The following ABHD12B variants were observed in gnomAD, a reference collection of about 807,000 sequenced individuals.
ABHD12B encodes abhydrolase domain containing 12B.
A neutral mutation model predicts 50.4 loss-of-function variants in ABHD12B; 42 were observed. The observed-to-expected ratio is 0.83, with a 90% CI of 0.65 to 1.08. ABHD12B has a LOEUF of 1.08. ABHD12B is among the 50% of genes least tolerant of loss of function. The pLI is 0.00. For missense variants in ABHD12B, 479 were observed against 447.7 expected, an observed-to-expected ratio of 1.07 and a Z score of -0.63; for synonymous variants, 167 against 160.3, an observed-to-expected ratio of 1.04 and a Z score of -0.32.
chr14:50,901,241 A>T (rs2050256885), intron 9 of ABHD12B, among the ~76,000 whole-genome samples: 1 of 152,236 alleles, frequency 6.6e-6, no homozygotes, highest in African/African-American at 2.4e-5. Context: ...GTAAAAGTGG[A>T]TTTAGCTAGC....
At position 50,880,478 on chromosome 14, in the gene ABHD12B, A is replaced by G; in HGVS notation, c.362A>G (p.Glu121Gly). 1.2e-6 allele frequency: 2 copies of G among 1,609,226 alleles called. No homozygotes were observed. The highest frequency in any genetic ancestry group is 1.1e-5 in the South Asian group (1 of 90,218). ...IWHTVPSCRG[E>G]DAKGKDCCWY... The stretch of plus-strand genomic sequence containing the variant: ...CACACAGTCCCCAGCTGCCGGGGGG[A>G]AGATGCCAAGGGGAAGGACTGTTGC... The change falls in exon 4 of 13, where the codon GAA becomes GGA. Residue 121 changes from glutamate (E) to glycine (G), a missense_variant. Transcript: ENST00000337334.
chr14:50,887,912 T>C (rs2050064213), intron 8 of ABHD12B, among the ~76,000 whole-genome samples: 2 of 152,248 alleles, frequency 1.3e-5, no homozygotes, highest in Non-Finnish European at 2.9e-5. Context: ...CTGAAAGTTT[T>C]GTCTCGTTTC....
chr14:50,903,496 A>C, intron 11 of ABHD12B, 29 bp downstream of exon 11: 2 of 1,573,564 alleles, frequency 1.3e-6, no homozygotes, highest in Non-Finnish European at 1.7e-6. Context: ...GCTGACTGAA[A>C]TATACTATAC....
At chr14:50,900,607 C>T (rs1020369465) in intron 9 of ABHD12B, among the ~76,000 whole-genome samples, 1 of 152,210 alleles carries the variant, frequency 6.6e-6, no homozygotes, top group African/African-American at 2.4e-5. Flanking sequence ...TGGAAAACAG[C>T]TCCGAAGAAA....
chr14:50,892,940 T>G (rs28611105), intron 9 of ABHD12B: 28,997 of 152,092 alleles, frequency 0.19, 3,470 homozygotes, highest in East Asian at 0.45. Flanking sequence ...TTTGGGCATT[T>G]GATTATGATT....
At chr14:50,888,306 C>T (rs1742534390) in intron 8 of ABHD12B, among the ~76,000 whole-genome samples, 1 of 151,372 alleles carries the variant, frequency 6.6e-6, no homozygotes, top group Admixed American at 6.6e-5. Context: ...CGGGTTCAAG[C>T]GATTCTTCTG....
At chr14:50,899,794 T>C (rs935822535) in intron 9 of ABHD12B, among the ~76,000 whole-genome samples, 8 of 151,938 alleles carry the variant, frequency 5.3e-5, no homozygotes, top group African/African-American at 1.5e-4. Flanking sequence ...TGGTGATGCA[T>C]GCCTGTAGTC....
chr14:50,872,894 G>C (rs181520417), intron 1 of ABHD12B, among the ~76,000 whole-genome samples: 2 of 152,178 alleles, frequency 1.3e-5, no homozygotes, highest in Admixed American at 6.5e-5. Context: ...TGGGTGTTTC[G>C]GGTTTTGTTT....
At chr14:50,872,438 G>C (rs922487583) in intron 1 of ABHD12B, among the ~76,000 whole-genome samples, 160 bp downstream of exon 1, 4 of 152,252 alleles carry the variant, frequency 2.6e-5, no homozygotes, top group African/African-American at 9.6e-5. Flanking sequence ...GGCCCCCTGA[G>C]AACTCTAGGG....
At chr14:50,893,911 C>T (rs2050155361) in intron 9 of ABHD12B, among the ~76,000 whole-genome samples, 1 of 152,254 alleles carries the variant, frequency 6.6e-6, no homozygotes, top group South Asian at 2.1e-4. Context: ...CACGTTTTAT[C>T]CGTGGACCCA....
chr14:50,872,383 G>A (rs2049798646), intron 1 of ABHD12B, 105 bp downstream of exon 1: 1 of 828,190 alleles, frequency 1.2e-6, no homozygotes, highest in Non-Finnish European at 1.6e-6. Flanking sequence ...CCCTCTGCTG[G>A]CCCGGGCCCA....
chr14:50,878,597 GATAAA>G, intron 2 of ABHD12B, 143 bp from the exon 3 acceptor site: 1 of 666,760 alleles, frequency 1.5e-6, no homozygotes. Flanking sequence ...AGTCCTAGCT[GATAAA>G]ATAAAATACT....
rs189645179 is a variant in ABHD12B, at chr14:50,880,108, A to G, written c.336-344A>G. On this transcript the variant is annotated intron_variant, in intron 3 of 12. Coordinates refer to ENST00000337334, the MANE Select transcript of ABHD12B (RefSeq NM_001206673.2). Reference sequence around the variant, plus strand: ...CGGCCGAACTCATGGCAGATGGTAAACATCTATTATCTTTTACTTGTTTCC... The same window carrying G: ...CGGCCGAACTCATGGCAGATGGTAAGCATCTATTATCTTTTACTTGTTTCC... Among the ~76,000 whole-genome samples the G allele has an allele frequency of 2.5e-3, 379 of 152,330 alleles. 2 individuals carry two copies. Among genetic ancestry groups the G allele is most frequent in the African/African-American group, 8.5e-3 (355 of 41,578 alleles).
chr14:50,901,265 G>T (rs1451193021), intron 9 of ABHD12B, among the ~76,000 whole-genome samples: 1 of 152,146 alleles, frequency 6.6e-6, no homozygotes, highest in Non-Finnish European at 1.5e-5. Flanking sequence ...CTATTTCTTG[G>T]ATTTTGCTAT....
At chr14:50,903,866 A>C (rs2050295847) in intron 11 of ABHD12B, 1 of 540,248 alleles carries the variant, frequency 1.9e-6, no homozygotes, top group South Asian at 2.9e-5. Flanking sequence ...GGGAAGGATG[A>C]GGTTTTATCA....
chr14:50,901,078 T>C (rs1016492798), intron 9 of ABHD12B, among the ~76,000 whole-genome samples: 1 of 152,084 alleles, frequency 6.6e-6, no homozygotes, highest in Non-Finnish European at 1.5e-5. Context: ...ATGAATGGGT[T>C]TAGGATATAG....
chr14:50,872,129 A>G lies in ABHD12B; in HGVS notation c.-46A>G. 2 of 1,229,268 alleles carry G rather than the reference A, an allele frequency of 1.6e-6. No homozygotes were observed. The highest frequency in any genetic ancestry group is 2.0e-6 in the Non-Finnish European group (2 of 978,534). 76.1% of individuals were successfully genotyped at this position (1,229,268 alleles called of 1,614,324 possible). ...GGAAGGTCGCGGGCGGCTGCTCCGG[A>G]CTGCAGCTCCCGCGGCGGTGGCGGC... is the stretch of plus-strand genomic sequence containing the variant. On this transcript the variant is annotated 5_prime_UTR_variant, in exon 1 of 13. Transcript: ENST00000337334.
intron 8 of ABHD12B, among the ~76,000 whole-genome samples, chr14:50,887,728 A>G (rs768042237): frequency 6.6e-6 from 1 of 152,190 alleles, no homozygotes; most frequent in Non-Finnish European, 1.5e-5. Context: ...TTAGAGATTG[A>G]GCTGATCTGA....
At chr14:50,898,282 G>T (rs1484875139) in intron 9 of ABHD12B, among the ~76,000 whole-genome samples, 1 of 152,218 alleles carries the variant, frequency 6.6e-6, no homozygotes, top group Admixed American at 6.5e-5. Context: ...CTTATAAGAA[G>T]AAGAAATGAG....
Sources: allele counts gnomAD v4.1 joint callset (sites outside exome capture counted in the v4.1 genomes callset), GRCh38; gene constraint gnomAD v4.1.1; transcripts MANE v1.5; gene names NCBI Gene and HGNC (gene_info 2026-07-23, HGNC 2026-07-21).